PCDH7: variants seen among roughly 807,000 people sequenced by gnomAD.
PCDH7 encodes protocadherin-7.
A neutral mutation model predicts 58.9 loss-of-function variants in PCDH7; 17 were observed. The observed-to-expected ratio is 0.29, with a 90% CI of 0.20 to 0.43. PCDH7 has a LOEUF of 0.43. Ranked by LOEUF, PCDH7 falls within the 20% of genes least tolerant of loss-of-function variation. The pLI is 1.00. For missense variants in PCDH7, 1,274 were observed against 1,441.0 expected (o/e 0.88, Z 1.88); for synonymous variants, 664 against 616.4 (o/e 1.08, Z -1.14).
At chr4:30,856,689 A>G (rs1435049615) in intron 1 of PCDH7, among the ~76,000 whole-genome samples, 1 of 96,388 alleles carries the variant, frequency 1.0e-5, no homozygotes, top group Admixed American at 1.1e-4. Flanking sequence ...CTATACTGAT[A>G]TCAGAAAAAA....
At chr4:30,929,617 G>A (rs945431361) in intron 2 of PCDH7, among the ~76,000 whole-genome samples, 4 of 152,086 alleles carry the variant, frequency 2.6e-5, no homozygotes, top group African/African-American at 9.7e-5. Context: ...GTGATTAGTG[G>A]TATGTTTTGG....
chr4:30,932,240 A>C (rs950379122), intron 2 of PCDH7, among the ~76,000 whole-genome samples: 1 of 152,232 alleles, frequency 6.6e-6, no homozygotes, highest in Non-Finnish European at 1.5e-5. Flanking sequence ...ATTCCAGTCC[A>C]TTTGATGTTT....
At chr4:31,096,377 G>A (rs1339121800) in intron 3 of PCDH7, among the ~76,000 whole-genome samples, 1 of 151,940 alleles carries the variant, frequency 6.6e-6, no homozygotes. Context: ...GGATCTGGAG[G>A]GGAAAAAAAT....
At chr4:30,818,821 AT>A (rs773322066) in intron 1 of PCDH7, among the ~76,000 whole-genome samples, 6 of 152,156 alleles carry the variant, frequency 3.9e-5, no homozygotes, top group Non-Finnish European at 8.8e-5. Flanking sequence ...ACTCATGACA[AT>A]ACCTGAAATC....
chr4:31,021,498 C>A (rs1309234536), intron 3 of PCDH7, among the ~76,000 whole-genome samples: 1 of 152,106 alleles, frequency 6.6e-6, no homozygotes, highest in Admixed American at 6.6e-5. Context: ...ATCAACAGCC[C>A]CAGAATTTTA....
chr4:30,798,886 T>A (rs1725141716), intron 1 of PCDH7, among the ~76,000 whole-genome samples: 2 of 152,246 alleles, frequency 1.3e-5, no homozygotes, highest in African/African-American at 2.4e-5. Context: ...TTAAAAATAA[T>A]TTGTTTGCTT....
intron 3 of PCDH7, among the ~76,000 whole-genome samples, chr4:31,082,084 C>A (rs956983787): frequency 1.3e-5 from 2 of 152,130 alleles, no homozygotes; most frequent in African/African-American, 2.4e-5. Flanking sequence ...CCATGCCTGG[C>A]CTTTTTAAAA....
At chr4:30,834,435 C>T (rs1360611857) in intron 1 of PCDH7, among the ~76,000 whole-genome samples, 2 of 152,096 alleles carry the variant, frequency 1.3e-5, no homozygotes, top group Non-Finnish European at 2.9e-5. Flanking sequence ...AACTTGCCAA[C>T]GTCACACGGC....
intron 2 of PCDH7, among the ~76,000 whole-genome samples, chr4:30,940,691 G>GT (rs1409729714): frequency 1.3e-5 from 2 of 151,946 alleles, no homozygotes; most frequent in East Asian, 3.9e-4. Context: ...AGCATAGATG[G>GT]TAGGGGAGAG....
At chr4:30,928,523 G>C (rs566721967) in intron 2 of PCDH7, among the ~76,000 whole-genome samples, 1 of 151,986 alleles carries the variant, frequency 6.6e-6, no homozygotes, top group Non-Finnish European at 1.5e-5. Context: ...AAAGAATCTC[G>C]GCCTTTAAGA....
chr4:30,981,939 G>T (rs1257640399), intron 3 of PCDH7, among the ~76,000 whole-genome samples: 1 of 152,124 alleles, frequency 6.6e-6, no homozygotes, highest in Non-Finnish European at 1.5e-5. Flanking sequence ...CTCCACGTTA[G>T]AACAGAATTG....
intron 3 of PCDH7, among the ~76,000 whole-genome samples, chr4:31,048,729 A>C (rs1756491171): frequency 1.3e-5 from 2 of 152,054 alleles, no homozygotes; most frequent in African/African-American, 4.8e-5. Context: ...GAGAGAGAAA[A>C]AAAAAAGGCA....
intron 1 of PCDH7, among the ~76,000 whole-genome samples, chr4:30,851,141 A>G (rs554561602): frequency 6.6e-6 from 1 of 151,670 alleles, no homozygotes; most frequent in Admixed American, 6.6e-5. Flanking sequence ...AGGCTCAGAA[A>G]GTAAATGTGT....
intron 2 of PCDH7, among the ~76,000 whole-genome samples, chr4:30,930,078 G>A (rs535489639): frequency 4.6e-5 from 7 of 152,286 alleles, no homozygotes; most frequent in East Asian, 1.9e-4. Context: ...AGAGAAAGGC[G>A]TGTACAGATT....
intron 3 of PCDH7, among the ~76,000 whole-genome samples, chr4:30,970,639 A>G (rs1168794052): frequency 6.6e-6 from 1 of 151,608 alleles, no homozygotes; most frequent in Non-Finnish European, 1.5e-5. Flanking sequence ...TCCTCTTAAC[A>G]CTTTTTGGAA....
chr4:30,844,609 C>T (rs1167220058), intron 1 of PCDH7, among the ~76,000 whole-genome samples: 1 of 152,098 alleles, frequency 6.6e-6, no homozygotes, highest in Non-Finnish European at 1.5e-5. Flanking sequence ...AAGAAATAAT[C>T]GTAAATCTCC....
At chr4:31,129,043 T>C (rs1367926280) in intron 3 of PCDH7, among the ~76,000 whole-genome samples, 2 of 152,206 alleles carry the variant, frequency 1.3e-5, no homozygotes, top group African/African-American at 2.4e-5. Context: ...GATATAATCA[T>C]CAGGGATGAC....
chr4:30,830,312 A>C (rs1022348613), intron 1 of PCDH7, among the ~76,000 whole-genome samples: 3 of 152,116 alleles, frequency 2.0e-5, no homozygotes, highest in Middle Eastern at 3.2e-3. Flanking sequence ...AATTATTCAC[A>C]TCACATACAT....
intron 1 of PCDH7, among the ~76,000 whole-genome samples, chr4:30,746,811 C>G (rs1021027471): frequency 4.6e-5 from 7 of 152,012 alleles, no homozygotes; most frequent in East Asian, 1.9e-4. Flanking sequence ...AGATTTTTTT[C>G]CTTTTCAATC....
Sources: gnomAD v4.1 joint callset for allele counts (sites outside exome capture counted in the v4.1 genomes callset) on GRCh38, gnomAD v4.1.1 for gene constraint, MANE v1.5 for transcripts, NCBI Gene and HGNC (gene_info 2026-07-23, HGNC 2026-07-21) for gene names.